Variants in NUP153 observed in about 807,000 individuals in gnomAD.
NUP153 encodes the protein nucleoporin 153.
A neutral mutation model predicts 134.6 loss-of-function variants in NUP153; 27 were observed. That is an observed-to-expected ratio of 0.20 (90% CI 0.15 to 0.28). The LOEUF (loss-of-function observed/expected upper bound fraction) is 0.28. Ranked by LOEUF, NUP153 falls within the 10% of genes least tolerant of loss-of-function variation. The pLI is 1.00. For missense variants in NUP153, 1,821 were observed against 1,731.3 expected, an observed-to-expected ratio of 1.05 and a Z score of -0.92; for synonymous variants, 640 against 623.5, an observed-to-expected ratio of 1.03 and a Z score of -0.40.
chr6:17,634,302 A>T (rs1765408012), intron 16 of NUP153, among the ~76,000 whole-genome samples: 1 of 152,124 alleles, frequency 6.6e-6, no homozygotes, highest in African/African-American at 2.4e-5. Context: ...ACTCCCTGTA[A>T]GTTAGCGGAC....
chr6:17,634,404 T>C (rs1205348800), intron 16 of NUP153, among the ~76,000 whole-genome samples: 1 of 151,960 alleles, frequency 6.6e-6, no homozygotes, highest in African/African-American at 2.4e-5. Context: ...CAAATCCGTA[T>C]CTCCACCCAA....
Position 17,616,598 on chromosome 6 carries a change from A to T in NUP153, c.4272T>A (p.Pro1424=), listed in dbSNP as rs756230394. The T allele has an allele frequency of 9.9e-6, 16 of 1,614,192 alleles. No homozygotes were observed. The East Asian group carries it at 3.6e-4, about 36-fold the overall frequency. The change falls in exon 21 of 22, where the codon CCT becomes CCA. Residue 1424 remains proline, a synonymous_variant. Transcript: ENST00000262077. ...AGCCTGAAGGCTGGGCTGAGGCTGCAGGTGTGCTAGAATTTGCACCAAATG... is the reference window on the plus strand; with the variant it reads ...AGCCTGAAGGCTGGGCTGAGGCTGCTGGTGTGCTAGAATTTGCACCAAATG... The part of the protein sequence containing the change: ...VFTFGANSST[P]AASAQPSGSG...
chr6:17,630,674 A>G (rs1341548064), intron 17 of NUP153, among the ~76,000 whole-genome samples: 1 of 149,896 alleles, frequency 6.7e-6, no homozygotes, highest in African/African-American at 2.5e-5. Flanking sequence ...ATAAATAAAG[A>G]AAAGAAAACA....
Position 17,637,634 on chromosome 6 carries a change from T to G in NUP153, c.1983A>C (p.Ser661=). The change falls in exon 16 of 22, where the codon TCA becomes TCC. Residue 661 remains serine, a synonymous_variant. Coordinates refer to ENST00000262077, the MANE Select transcript of NUP153 (RefSeq NM_005124.4). ...GFGESLKAGS[S]WQCDTCLLQN... is the part of the protein sequence containing the mutation. ...GGAGTAGACATGTATCACACTGCCA[T>G]GATGACCCAGCTTTTAAACTCTCCC... The G allele has an allele frequency of 6.2e-7, 1 of 1,614,048 alleles. No individual in the cohort carries two copies. Among genetic ancestry groups the G allele is most frequent in the Admixed American group, 1.7e-5 (1 of 60,008 alleles).
Position 17,626,165 on chromosome 6 carries a change from C to G in NUP153, c.3545-1G>C. ...AAAACTGGCTTTGCTGCACCTTGAT[C>G]TGTAAGACAGAAATTAAGAAACAAA... On this transcript the variant is annotated splice_acceptor_variant, in intron 18 of 21. Transcript: ENST00000262077. LOFTEE classifies it high-confidence loss of function. 6.2e-7 allele frequency: 1 copy of G among 1,604,184 alleles called. No individual in the cohort carries two copies. Among genetic ancestry groups the G allele is most frequent in the Non-Finnish European group, 8.5e-7 (1 of 1,173,718 alleles).
chr6:17,678,837 CA>C (rs1368642739), intron 2 of NUP153, among the ~76,000 whole-genome samples: 15 of 151,234 alleles, frequency 9.9e-5, no homozygotes, highest in African/African-American at 3.2e-4. Context: ...CCCAGCTACT[CA>C]AGGAGGCTGA....
At chr6:17,703,067 G>A (rs1044559177) in intron 1 of NUP153, among the ~76,000 whole-genome samples, 4 of 151,432 alleles carry the variant, frequency 2.6e-5, no homozygotes, top group African/African-American at 9.7e-5. Context: ...GCGTGGTGGC[G>A]CATGCCTGTA....
chr6:17,617,465 T>TAAAAAA (rs71002233), intron 20 of NUP153, among the ~76,000 whole-genome samples: 1 of 105,774 alleles, frequency 9.5e-6, no homozygotes, highest in East Asian at 2.8e-4. Flanking sequence ...TAGTGGGAAT[T>TAAAAAA]AAAAAAAAAA....
chr6:17,639,793 A>G, intron 15 of NUP153, 146 bp downstream of exon 15: 1 of 643,090 alleles, frequency 1.6e-6, no homozygotes, highest in Non-Finnish European at 2.5e-6. Flanking sequence ...CCAGCAAAAG[A>G]ATTACACCTA....
intron 1 of NUP153, among the ~76,000 whole-genome samples, chr6:17,704,825 T>G (rs1770372954): frequency 1.3e-5 from 2 of 151,750 alleles, no homozygotes; most frequent in Admixed American, 1.3e-4. Context: ...AGGGGCAAGA[T>G]CTCTGCTCAC....
chr6:17,655,579 G>A (rs1002454869), intron 11 of NUP153, among the ~76,000 whole-genome samples: 2 of 151,146 alleles, frequency 1.3e-5, no homozygotes, highest in Admixed American at 6.6e-5. Context: ...TCAGCTTCCC[G>A]AGTAGCTGGG....
At chr6:17,687,889 T>C (rs937791428) in intron 2 of NUP153, among the ~76,000 whole-genome samples, 4 of 151,936 alleles carry the variant, frequency 2.6e-5, no homozygotes, top group Admixed American at 6.6e-5. Flanking sequence ...CTGAGGCGGA[T>C]GGATCATGAG....
chr6:17,661,897 AG>A, intron 10 of NUP153, 118 bp from the exon 11 acceptor site: 1 of 1,286,924 alleles, frequency 7.8e-7, no homozygotes, highest in South Asian at 1.4e-5. Context: ...CTAAAATCTT[AG>A]ATTTCTTTAT....
rs982729028 is a variant in NUP153 at position 17,633,297 on chromosome 6, C to T, written c.2465-453G>A. Among the ~76,000 whole-genome samples, 5 of 152,288 alleles carry T rather than the reference C, an allele frequency of 3.3e-5. No homozygotes were observed. The East Asian group carries it at 9.6e-4, about 29-fold the overall frequency. On this transcript the variant is annotated intron_variant, in intron 16 of 21. Coordinates refer to ENST00000262077, the MANE Select transcript of NUP153 (RefSeq NM_005124.4). ...ACATATAAAATACACAGCCACAGAC[C>T]ATATGAATTTCAAGATTTGAAAGCA... is the stretch of plus-strand genomic sequence containing the variant.
chr6:17,620,706 T>C (rs978281653), intron 20 of NUP153, among the ~76,000 whole-genome samples: 1 of 152,162 alleles, frequency 6.6e-6, no homozygotes, highest in Non-Finnish European at 1.5e-5. Context: ...TTTCAGTTCA[T>C]CAGCTATTGT....
intron 16 of NUP153, among the ~76,000 whole-genome samples, chr6:17,635,632 C>T (rs1383749651): frequency 2.6e-5 from 4 of 152,192 alleles, no homozygotes. Flanking sequence ...AAACTGGGTT[C>T]AAGCAATATA....
intron 2 of NUP153, among the ~76,000 whole-genome samples, chr6:17,685,715 T>C (rs574997363): frequency 7.2e-5 from 11 of 152,112 alleles, no homozygotes; most frequent in African/African-American, 2.7e-4. Context: ...GTGTTACCAG[T>C]CATGTAAAAC....
chr6:17,672,784 GC>G (rs1396431338), intron 5 of NUP153, among the ~76,000 whole-genome samples: 5 of 152,050 alleles, frequency 3.3e-5, no homozygotes, highest in Non-Finnish European at 5.9e-5. Flanking sequence ...TTCAGGATCA[GC>G]CTGAGCAACG....
chr6:17,640,386 C>G (rs1161049991), intron 14 of NUP153, among the ~76,000 whole-genome samples: 1 of 152,086 alleles, frequency 6.6e-6, no homozygotes, highest in Non-Finnish European at 1.5e-5. Flanking sequence ...TAGGGCAAGC[C>G]CATCCACTGC....
Sources: allele counts gnomAD v4.1 joint callset (sites outside exome capture counted in the v4.1 genomes callset), GRCh38; gene constraint gnomAD v4.1.1; transcripts MANE v1.5; gene names NCBI Gene and HGNC (gene_info 2026-07-23, HGNC 2026-07-21).